SVEP1: variants seen among roughly 807,000 people sequenced by gnomAD.
SVEP1 encodes sushi, von Willebrand factor type A, EGF and pentraxin domain-containing protein 1.
In SVEP1, 164 loss-of-function variants were observed where a neutral mutation model predicts 367.3. That is an observed-to-expected ratio of 0.45 (90% CI 0.39 to 0.51). The LOEUF is 0.51. SVEP1 is among the 20% of genes least tolerant of loss of function. SVEP1 has a pLI of 0.00. For synonymous variants in SVEP1, 1,666 were observed against 1,611.6 expected, an observed-to-expected ratio of 1.03 and a Z score of -0.81; for missense variants, 4,117 against 4,425.3, an observed-to-expected ratio of 0.93 and a Z score of 1.98.
chr9:110,486,372 T>A (rs979703457), intron 9 of SVEP1, among the ~76,000 whole-genome samples: 2 of 152,180 alleles, frequency 1.3e-5, no homozygotes, highest in African/African-American at 4.8e-5. Flanking sequence ...GCAGATGTAC[T>A]GTCTCCAAAG....
chr9:110,442,211 A>G (rs915813312), intron 27 of SVEP1, among the ~76,000 whole-genome samples: 11 of 152,302 alleles, frequency 7.2e-5, no homozygotes, highest in African/African-American at 2.4e-4. Flanking sequence ...GTGAAATTAC[A>G]CAGCATTTAG....
At chr9:110,374,096 C>G (rs1827315636) in intron 46 of SVEP1, among the ~76,000 whole-genome samples, 1 of 152,066 alleles carries the variant, frequency 6.6e-6, no homozygotes, top group African/African-American at 2.4e-5. Context: ...TATTTCATCA[C>G]TCAGGTACTA....
In SVEP1 at chr9:110,550,112, G is replaced by A. The variant is rs116748741; in HGVS notation, c.532-8C>T. ...AGCATGAAGAAGAATTTGCTGTAAT[G>A]AAATGGGGAAAGTTAATATGAGTGT... On this transcript the variant is annotated splice_region_variant and splice_polypyrimidine_tract_variant and intron_variant, in intron 1 of 47. Transcript: ENST00000374469. 3.1e-4 allele frequency: 497 copies of A among 1,613,536 alleles called. 2 individuals carry two copies. The African/African-American group carries it at 6.2e-3, about 20-fold the overall frequency.
At chr9:110,572,887 C>T (rs982434638) in intron 1 of SVEP1, among the ~76,000 whole-genome samples, 6 of 147,898 alleles carry the variant, frequency 4.1e-5, no homozygotes, top group African/African-American at 1.5e-4. Flanking sequence ...GGATTTATTT[C>T]TTCATTATTC....
intron 5 of SVEP1, among the ~76,000 whole-genome samples, chr9:110,506,823 G>A (rs562408321): frequency 2.0e-5 from 3 of 152,174 alleles, no homozygotes; most frequent in African/African-American, 7.2e-5. Flanking sequence ...GAGAAAGGGA[G>A]GGGAAACATA....
intron 1 of SVEP1, 90 bp from the exon 2 acceptor site, chr9:110,550,194 T>C: frequency 6.6e-7 from 1 of 1,524,562 alleles, no homozygotes; most frequent in Non-Finnish European, 8.9e-7. Context: ...CTTGCAAAGA[T>C]CATTAGTATT....
chr9:110,366,292 C>G lies in SVEP1; in HGVS notation c.*247G>C. 1 of 380,598 alleles carries G rather than the reference C, an allele frequency of 2.6e-6. No individual in the cohort carries two copies. The highest frequency in any genetic ancestry group is 4.6e-6 in the Non-Finnish European group (1 of 216,638). 23.6% of individuals were successfully genotyped at this position (380,598 alleles called of 1,614,324 possible). A position where few individuals can be genotyped will look rare whatever the true frequency, so the allele number is the denominator to read the frequency against. On this transcript the variant is annotated 3_prime_UTR_variant, in exon 48 of 48. Coordinates refer to ENST00000374469, the MANE Select transcript of SVEP1 (RefSeq NM_153366.4). Reference sequence around the variant, plus strand: ...ATATGTACATTTTGTGAGGGTAGAGCAGCATCTATTTAATATAATTTTTAT... The same window carrying G: ...ATATGTACATTTTGTGAGGGTAGAGGAGCATCTATTTAATATAATTTTTAT...
intron 2 of SVEP1, among the ~76,000 whole-genome samples, chr9:110,548,013 C>T (rs1449199886): frequency 6.6e-6 from 1 of 152,128 alleles, no homozygotes; most frequent in African/African-American, 2.4e-5. Flanking sequence ...CAGAAGTCTC[C>T]ACTCCTAGAA....
At chr9:110,460,051 C>A (rs1043040658) in intron 18 of SVEP1, among the ~76,000 whole-genome samples, 1 of 151,908 alleles carries the variant, frequency 6.6e-6, no homozygotes, top group Non-Finnish European at 1.5e-5. Context: ...TTTAATACTA[C>A]AATAATATAA....
intron 2 of SVEP1, among the ~76,000 whole-genome samples, chr9:110,549,380 A>G (rs1830256005): frequency 6.6e-6 from 1 of 152,156 alleles, no homozygotes; most frequent in South Asian, 2.1e-4. Flanking sequence ...AAGCATATCT[A>G]TCTTCAAATG....
intron 36 of SVEP1, among the ~76,000 whole-genome samples, chr9:110,412,206 T>G (rs947842431): frequency 1.3e-5 from 2 of 152,256 alleles, no homozygotes; most frequent in African/African-American, 4.8e-5. Context: ...TAGATGGTTT[T>G]AACTTGATTT....
At chr9:110,508,444 G>A (rs1430703105) in intron 5 of SVEP1, among the ~76,000 whole-genome samples, 1 of 152,158 alleles carries the variant, frequency 6.6e-6, no homozygotes, top group Non-Finnish European at 1.5e-5. Flanking sequence ...AACCACAAAA[G>A]AATCCTTTCC....
At chr9:110,387,500 A>G (rs1379039119) in intron 41 of SVEP1, 42 bp from the exon 42 acceptor site, 1 of 1,525,120 alleles carries the variant, frequency 6.6e-7, no homozygotes, top group South Asian at 1.3e-5. Flanking sequence ...TGCTTCCCCA[A>G]TTCCTCTTTC....
chr9:110,397,566 A>G (rs1046902406), intron 40 of SVEP1, among the ~76,000 whole-genome samples: 8 of 152,246 alleles, frequency 5.3e-5, no homozygotes, highest in East Asian at 1.9e-4. Context: ...CCCTGTTTGC[A>G]GATGACATGA....
intron 8 of SVEP1, among the ~76,000 whole-genome samples, chr9:110,496,300 C>G (rs986067985): frequency 1.3e-5 from 2 of 152,090 alleles, no homozygotes; most frequent in Non-Finnish European, 2.9e-5. Context: ...GAGGCAGACC[C>G]ACCCTCAGTC....
intron 47 of SVEP1, among the ~76,000 whole-genome samples, chr9:110,368,158 G>T (rs948542575): frequency 6.6e-6 from 1 of 152,026 alleles, no homozygotes; most frequent in African/African-American, 2.4e-5. Flanking sequence ...CAGGATGGAG[G>T]AGACCCTGGA....
intron 2 of SVEP1, among the ~76,000 whole-genome samples, chr9:110,548,578 C>T (rs1193655243): frequency 7.2e-5 from 11 of 152,088 alleles, no homozygotes; most frequent in South Asian, 6.2e-4. Flanking sequence ...AAACAGAAAA[C>T]GTCAGCTAGT....
Position 110,443,575 on chromosome 9 carries a change from C to G in SVEP1, c.4609G>C (p.Ala1537Pro). 6.2e-7 allele frequency: 1 copy of G among 1,610,762 alleles called. No individual in the cohort carries two copies. Among genetic ancestry groups the G allele is most frequent in the Non-Finnish European group, 8.5e-7 (1 of 1,178,518 alleles). The change falls in exon 27 of 48, where the codon GCT (alanine) becomes CCT (proline). Residue 1537 changes from alanine to proline, a missense_variant. Transcript: ENST00000374469. ...ATGGGCAAACCAACAGAGAGGCCAG[C>G]ACCACCGTCAGATAATTTCCCATCG... ...YIDGKLSDGGAGLSVGLPIPG... is the reference protein window; with the variant it reads ...YIDGKLSDGGPGLSVGLPIPG...
chr9:110,571,253 G>A (rs577948991), intron 1 of SVEP1, among the ~76,000 whole-genome samples: 62 of 152,270 alleles, frequency 4.1e-4, no homozygotes, highest in Admixed American at 2.4e-3. Context: ...ACAGGCGTGA[G>A]CCACCATGCC....
Sources: gnomAD v4.1 joint callset for allele counts (sites outside exome capture counted in the v4.1 genomes callset) on GRCh38, gnomAD v4.1.1 for gene constraint, MANE v1.5 for transcripts, NCBI Gene and HGNC (gene_info 2026-07-23, HGNC 2026-07-21) for gene names.